The following CHD3 variants were observed in gnomAD, a reference collection of about 807,000 sequenced individuals.
CHD3 encodes the protein ATP-dependent chromatin remodeler CHD3.
A neutral mutation model predicts 248.9 loss-of-function variants in CHD3; 52 were observed. The observed-to-expected ratio is 0.21, with a 90% CI of 0.17 to 0.26. The LOEUF (loss-of-function observed/expected upper bound fraction) is 0.26, where lower values mean the gene tolerates loss of function less well. CHD3 is among the 10% of genes least tolerant of loss of function. The pLI is 1.00. For missense variants in CHD3, 1,482 were observed against 2,605.8 expected (o/e 0.57, Z 9.39); for synonymous variants, 985 against 985.2 (o/e 1.00, Z 0.00).
intron 4 of CHD3, among the ~76,000 whole-genome samples, chr17:7,892,049 A>G (rs576733984): frequency 5.9e-5 from 9 of 152,258 alleles, no homozygotes; most frequent in African/African-American, 2.2e-4. Context: ...TATATACCTC[A>G]TAGGAATCTG....
In CHD3 at chr17:7,890,669, A is replaced by G. The variant is rs2151466944; in HGVS notation, c.312A>G (p.Arg104=). Residue 104 remains arginine, a synonymous_variant, in exon 3 of 40, where the codon AGA becomes AGG. Coordinates refer to ENST00000330494, the MANE Select transcript of CHD3 (RefSeq NM_001005273.3). ...EYGTGPGRKR[R]RKHREKKEKK... is the part of the protein sequence containing the mutation. ...GAACCGGACCGGGTCGGAAACGAAG[A>G]AGGAAGCACCGAGAAAAAAAGGAGA... is the stretch of plus-strand genomic sequence containing the variant. 2 of 1,608,012 alleles carry G rather than the reference A, an allele frequency of 1.2e-6. No individual in the cohort carries two copies. Among genetic ancestry groups the G allele is most frequent in the South Asian group, 2.2e-5 (2 of 89,682 alleles).
Position 7,910,154 on chromosome 17 carries a change from C to G in CHD3, c.5591-274C>G. 2 of 328,078 alleles carry G rather than the reference C, an allele frequency of 6.1e-6. No individual in the cohort carries two copies. The highest frequency in any genetic ancestry group is 8.3e-5 in the East Asian group (1 of 12,018). 20.3% of individuals were successfully genotyped at this position (328,078 alleles called of 1,614,324 possible). A position where few individuals can be genotyped will look rare whatever the true frequency, so the allele number is the denominator to read the frequency against. The stretch of plus-strand genomic sequence containing the variant: ...TCCCCCCATCTTCCTTTCCTCCATG[C>G]TCCCTTTTTCTTTCTTCTTTCTCTC... On this transcript the variant is annotated intron_variant, in intron 37 of 39. Coordinates refer to ENST00000330494, the MANE Select transcript of CHD3 (RefSeq NM_001005273.3). The surrounding 1 kb of genome is among the most constrained non-coding windows in gnomAD (Gnocchi z 4.7).
chr17:7,888,053 G>A (rs1431083295), upstream of CHD3, among the ~76,000 whole-genome samples: 1 of 152,194 alleles, frequency 6.6e-6, no homozygotes, highest in Non-Finnish European at 1.5e-5. Context: ...CCACTGCCTC[G>A]GCAGCCTGCG....
At position 7,904,161 on chromosome 17, in the gene CHD3, C is replaced by T. The variant is rs1208158309; in HGVS notation, c.3894+170C>T. On this transcript the variant is annotated intron_variant, in intron 24 of 39. Transcript: ENST00000330494. This position sits in a 1 kb window ranked among gnomAD's most constrained non-coding sequence, Gnocchi z 4.4. ...TGGACTTCAGAGAGAAACGTAGGCA[C>T]AGACAGTACTGGTAAACACAGAAGG... is the stretch of plus-strand genomic sequence containing the variant. 7 of 681,110 alleles carry T rather than the reference C, an allele frequency of 1.0e-5. No individual in the cohort carries two copies. The highest frequency in any genetic ancestry group is 1.7e-5 in the Non-Finnish European group (7 of 405,546). 42.2% of individuals were successfully genotyped at this position (681,110 alleles called of 1,614,324 possible). A position where few individuals can be genotyped will look rare whatever the true frequency, so the allele number is the denominator to read the frequency against.
chr17:7,886,344 G>A (rs1967946151), upstream of CHD3, among the ~76,000 whole-genome samples: 3 of 152,222 alleles, frequency 2.0e-5, no homozygotes, highest in African/African-American at 7.2e-5. The surrounding 1 kb of genome is among the most constrained non-coding windows in gnomAD (Gnocchi z 4.2). Context: ...GTGAGCATCT[G>A]GGTGTCCACA....
chr17:7,908,252 G>T lies in CHD3; in HGVS notation c.5153-150G>T. ...AATTCTAACGAACCTGGTTAGAACT[G>T]AGTTTGTTCCAAACCTAACCTTTAC... On this transcript the variant is annotated intron_variant, in intron 34 of 39. Coordinates refer to ENST00000330494, the MANE Select transcript of CHD3 (RefSeq NM_001005273.3). This position sits in a 1 kb window ranked among gnomAD's most constrained non-coding sequence, Gnocchi z 5.8. 1 of 822,562 alleles carries T rather than the reference G, an allele frequency of 1.2e-6. No homozygotes were observed. The allele number at this position is 822,562 out of a possible 1,614,324, so 51.0% of individuals were successfully genotyped here. A position where few individuals can be genotyped will look rare whatever the true frequency, so the allele number is the denominator to read the frequency against.
At position 7,900,660 on chromosome 17, in the gene CHD3, G is replaced by A. The variant is rs1340142439; in HGVS notation, c.2907G>A (p.Lys969=). The change falls in exon 18 of 40, where the codon AAG becomes AAA. Residue 969 remains lysine, a synonymous_variant. Coordinates refer to ENST00000330494, the MANE Select transcript of CHD3 (RefSeq NM_001005273.3). The surrounding 1 kb of genome is among the most constrained non-coding windows in gnomAD (Gnocchi z 6.5). Reference sequence around the variant, plus strand: ...GGCCACACATGCTGCGGAGACTCAAGGCAGATGTCTTTAAGAACATGCCAG... The same window carrying A: ...GGCCACACATGCTGCGGAGACTCAAAGCAGATGTCTTTAAGAACATGCCAG... ...LLGPHMLRRL[K]ADVFKNMPAK... The A allele has an allele frequency of 5.0e-6, 8 of 1,613,998 alleles. No homozygotes were observed. The Admixed American group carries it at 8.3e-5, about 17-fold the overall frequency.
chr17:7,899,984 C>A lies in CHD3; in HGVS notation c.2633C>A (p.Ala878Asp). ...GCAGCACTTGGTTCCATCCGCTGGGCCTGTCTTGTGGTAGATGAGGCCCAT... is the reference window on the plus strand; with the variant it reads ...GCAGCACTTGGTTCCATCCGCTGGGACTGTCTTGTGGTAGATGAGGCCCAT... ...DQAALGSIRW[A>D]CLVVDEAHRL... The change falls in exon 16 of 40, where the codon GCC becomes GAC. Residue 878 changes from alanine to aspartate, a missense_variant. Physicochemically the swap from Ala to Asp is moderately radical, Grantham distance 126. Around this residue, in one of 20 missense-constraint regions of CHD3, gnomAD observed 49 missense variants for 93.8 expected, o/e 0.52. Transcript: ENST00000330494. This position sits in a 1 kb window ranked among gnomAD's most constrained non-coding sequence, Gnocchi z 6.8. 1 of 1,614,096 alleles carries A rather than the reference C, an allele frequency of 6.2e-7. No homozygotes were observed. Among genetic ancestry groups the A allele is most frequent in the Non-Finnish European group, 8.5e-7 (1 of 1,180,006 alleles).
Position 7,905,915 on chromosome 17 carries a change from G to T in CHD3, c.4284G>T (p.Gly1428=). ...TCCTCAATGCTGTGATGCGCTGGGG[G>T]ATGCCACCACAGGATGCCTTCACCA... ...KAFLNAVMRW[G]MPPQDAFTTQ... Residue 1428 remains glycine, a synonymous_variant, in exon 28 of 40, where the codon GGG becomes GGT. Transcript: ENST00000330494. The surrounding 1 kb of genome is among the most constrained non-coding windows in gnomAD (Gnocchi z 5.8). 1 of 1,614,198 alleles carries T rather than the reference G, an allele frequency of 6.2e-7. No individual in the cohort carries two copies.
In CHD3 at chr17:7,893,709, A is replaced by G. The variant is rs1969220448; in HGVS notation, c.794-96A>G. 2.6e-6 allele frequency: 4 copies of G among 1,539,504 alleles called. No individual in the cohort carries two copies. The South Asian group carries it at 5.1e-5, about 20-fold the overall frequency. The stretch of plus-strand genomic sequence containing the variant: ...AGGAAGTGGGGCTTAGTGAAACCAC[A>G]GCCCACAGAGGAATCCAGAGGCCCC... On this transcript the variant is annotated intron_variant, in intron 5 of 39. Coordinates refer to ENST00000330494, the MANE Select transcript of CHD3 (RefSeq NM_001005273.3).
At position 7,897,790 on chromosome 17, in the gene CHD3, A is replaced by G. The variant is rs924318359; in HGVS notation, c.1920-181A>G. Among the ~76,000 whole-genome samples, 1 of 152,196 alleles carries G rather than the reference A, an allele frequency of 6.6e-6. No homozygotes were observed. Among genetic ancestry groups the G allele is most frequent in the Admixed American group, 6.5e-5 (1 of 15,282 alleles). Reference sequence around the variant, plus strand: ...TGTGATAGCTGATTTTTAGGATACCATCCTGAGAAGGTTAGGCTGCTAGGT... The same window carrying G: ...TGTGATAGCTGATTTTTAGGATACCGTCCTGAGAAGGTTAGGCTGCTAGGT... On this transcript the variant is annotated intron_variant, in intron 11 of 39. Coordinates refer to ENST00000330494, the MANE Select transcript of CHD3 (RefSeq NM_001005273.3). The surrounding 1 kb of genome is among the most constrained non-coding windows in gnomAD (Gnocchi z 4.8).
At position 7,899,598 on chromosome 17, in the gene CHD3, C is replaced by T; in HGVS notation, c.2544+55C>T. 1 of 1,554,782 alleles carries T rather than the reference C, an allele frequency of 6.4e-7. No individual in the cohort carries two copies. The highest frequency in any genetic ancestry group is 8.8e-7 in the Non-Finnish European group (1 of 1,133,364). ...ACCCTCAAAGCTGTCACTTCTTTTT[C>T]TCAGCCAGGAATTCAGTTTCTCTAT... On this transcript the variant is annotated intron_variant, in intron 15 of 39. Coordinates refer to ENST00000330494, the MANE Select transcript of CHD3 (RefSeq NM_001005273.3). The surrounding 1 kb of genome is among the most constrained non-coding windows in gnomAD (Gnocchi z 6.8).
chr17:7,909,306 G>C lies in CHD3; in HGVS notation c.5558G>C (p.Gly1853Ala), dbSNP rs1177217803. 6.4e-7 allele frequency: 1 copy of C among 1,560,302 alleles called. No homozygotes were observed. The highest frequency in any genetic ancestry group is 8.7e-7 in the Non-Finnish European group (1 of 1,153,968). The stretch of plus-strand genomic sequence containing the variant: ...CACCTCTCCAAGGAGTCGCTGGCGG[G>C]GAACAAGCCGGCCAACGCCGTCCTG... ...HQHLSKESLAGNKPANAVLHK... is the reference protein window; with the variant it reads ...HQHLSKESLAANKPANAVLHK... The change falls in exon 37 of 40, where the codon GGG becomes GCG. Residue 1853 changes from glycine to alanine, a missense_variant. This residue lies in a region of CHD3 where 83 missense variants were observed against 181.0 expected (regional missense o/e 0.46). Coordinates refer to ENST00000330494, the MANE Select transcript of CHD3 (RefSeq NM_001005273.3). The surrounding 1 kb of genome is among the most constrained non-coding windows in gnomAD (Gnocchi z 8.1).
chr17:7,908,940 C>A lies in CHD3; in HGVS notation c.5394+111C>A. 6.7e-7 allele frequency: 1 copy of A among 1,494,620 alleles called. No homozygotes were observed. The highest frequency in any genetic ancestry group is 9.2e-7 in the Non-Finnish European group (1 of 1,089,192). The allele number at this position is 1,494,620 out of a possible 1,614,324, so 92.6% of individuals were successfully genotyped here. On this transcript the variant is annotated intron_variant, in intron 36 of 39. Coordinates refer to ENST00000330494, the MANE Select transcript of CHD3 (RefSeq NM_001005273.3). The surrounding 1 kb of genome is among the most constrained non-coding windows in gnomAD (Gnocchi z 5.8). Reference sequence around the variant, plus strand: ...AACACCTTCAGGGCTGAGGTGATACCTGGGGCCAAGACCAAAGTGTAACCT... The same window carrying A: ...AACACCTTCAGGGCTGAGGTGATACATGGGGCCAAGACCAAAGTGTAACCT...
At chr17:7,891,274 TGGAG>T (rs1284842544) in intron 4 of CHD3, among the ~76,000 whole-genome samples, 1 of 151,978 alleles carries the variant, frequency 6.6e-6, no homozygotes, top group Non-Finnish European at 1.5e-5. Flanking sequence ...GGGCGAGGGG[TGGAG>T]GGGCCATCAT....
chr17:7,910,489 C>T lies in CHD3; in HGVS notation c.5652C>T (p.Ala1884=). 2 of 1,614,086 alleles carry T rather than the reference C, an allele frequency of 1.2e-6. No individual in the cohort carries two copies. The highest frequency in any genetic ancestry group is 2.2e-5 in the East Asian group (1 of 44,868). ...DMKADVTRLP[A]TLSRIPPIAA... ...AGGCGGACGTGACCCGCCTGCCAGC[C>T]ACGCTGTCCCGAATACCCCCCATCG... Residue 1884 remains alanine, a synonymous_variant, in exon 38 of 40, where the codon GCC becomes GCT. Coordinates refer to ENST00000330494, the MANE Select transcript of CHD3 (RefSeq NM_001005273.3). The surrounding 1 kb of genome is among the most constrained non-coding windows in gnomAD (Gnocchi z 4.7).
Position 7,909,593 on chromosome 17 carries a change from T to G in CHD3, c.5590+255T>G. 1 of 545,174 alleles carries G rather than the reference T, an allele frequency of 1.8e-6. No homozygotes were observed. Among genetic ancestry groups the G allele is most frequent in the Non-Finnish European group, 3.2e-6 (1 of 310,922 alleles). The allele number at this position is 545,174 out of a possible 1,614,324, so 33.8% of individuals were successfully genotyped here. A position where few individuals can be genotyped will look rare whatever the true frequency, so the allele number is the denominator to read the frequency against. ...AGAGGGACCTGCCCCAGCCTCTGTG[T>G]CCCCTCCACACAGTGGGGCCTCTTC... is the stretch of plus-strand genomic sequence containing the variant. On this transcript the variant is annotated intron_variant, in intron 37 of 39. Transcript: ENST00000330494. This position sits in a 1 kb window ranked among gnomAD's most constrained non-coding sequence, Gnocchi z 8.1.
chr17:7,894,959 G>C lies in CHD3; in HGVS notation c.1312G>C (p.Glu438Gln). Residue 438 changes from glutamate (E) to glutamine (Q), a missense_variant, in exon 9 of 40, where the codon GAA (glutamate) becomes CAA (glutamine). Physicochemically the swap from Glu to Gln is conservative, Grantham distance 29 (BLOSUM62 2). Around this residue, in one of 20 missense-constraint regions of CHD3, gnomAD observed 138 missense variants for 241.1 expected, o/e 0.57. Transcript: ENST00000330494. ...VQWEAKEEEE[E>Q]YEEEGEEEGE... ...GTGGGAGGCCAAGGAGGAAGAAGAAGAATACGAAGAGGAGGGAGAGGAAGA... is the reference window on the plus strand; with the variant it reads ...GTGGGAGGCCAAGGAGGAAGAAGAACAATACGAAGAGGAGGGAGAGGAAGA... 6.2e-7 allele frequency: 1 copy of C among 1,613,482 alleles called. No individual in the cohort carries two copies. The highest frequency in any genetic ancestry group is 1.3e-5 in the African/African-American group (1 of 75,056).
Position 7,889,822 on chromosome 17 carries a change from C to T in CHD3, c.213+46C>T, listed in dbSNP as rs776791942. 14 of 1,525,890 alleles carry T rather than the reference C, an allele frequency of 9.2e-6. No homozygotes were observed. In the African/African-American group the frequency reaches 9.7e-5, roughly 11 times the overall value. The allele number at this position is 1,525,890 out of a possible 1,614,324, so 94.5% of individuals were successfully genotyped here. A position where few individuals can be genotyped will look rare whatever the true frequency, so the allele number is the denominator to read the frequency against. ...ACTCTGTGGCAAGGCTCAAGAGACCCATTCTCAGAGACCTACATTTTCTCT... is the reference window on the plus strand; with the variant it reads ...ACTCTGTGGCAAGGCTCAAGAGACCTATTCTCAGAGACCTACATTTTCTCT... On this transcript the variant is annotated intron_variant, in intron 2 of 39. Transcript: ENST00000330494. This position sits in a 1 kb window ranked among gnomAD's most constrained non-coding sequence, Gnocchi z 4.5.
Sources: allele counts gnomAD v4.1 joint callset (sites outside exome capture counted in the v4.1 genomes callset), GRCh38; gene constraint gnomAD v4.1.1; regional missense constraint gnomAD v4.1.1; non-coding constraint Gnocchi (gnomAD v3.1); transcripts MANE v1.5; gene names NCBI Gene and HGNC (gene_info 2026-07-23, HGNC 2026-07-21).